USP32: variants seen among roughly 807,000 people sequenced by gnomAD.
USP32 encodes ubiquitin carboxyl-terminal hydrolase 32.
A neutral mutation model predicts 204.8 loss-of-function variants in USP32; 59 were observed. The observed-to-expected ratio is 0.29, with a 90% CI of 0.23 to 0.36. The LOEUF (loss-of-function observed/expected upper bound fraction) is 0.36, where lower values mean the gene tolerates loss of function less well. Among genes scored for constraint, USP32 ranks in the 10% least tolerant of loss-of-function variants. The probability of loss-of-function intolerance (pLI) is 1.00; values close to 1 mark genes in which losing one functional copy is unlikely to be tolerated. For missense variants in USP32, 1,160 were observed against 1,946.4 expected, an observed-to-expected ratio of 0.60 and a Z score of 7.60; for synonymous variants, 517 against 678.4, an observed-to-expected ratio of 0.76 and a Z score of 3.70.
At chr17:60,231,621 C>T (rs2085553069) in intron 12 of USP32, 1 of 516,350 alleles carries the variant, frequency 1.9e-6, no homozygotes, top group Non-Finnish European at 3.9e-6. Flanking sequence ...GAACAGGGAC[C>T]CCCCAAAGCC....
At position 60,179,509 on chromosome 17, in the gene USP32, C is replaced by T. The variant is rs2084045247; in HGVS notation, c.4642-81G>A. ...CCTTGCCAGGAAAGGGAAGACCAAC[C>T]CTCTGTAATTACTAAACCTGATTGC... is the stretch of plus-strand genomic sequence containing the variant. On this transcript the variant is annotated intron_variant, in intron 33 of 33. Transcript: ENST00000300896. The T allele has an allele frequency of 2.4e-5, 37 of 1,548,336 alleles. No homozygotes were observed. In the South Asian group the frequency reaches 4.3e-4, roughly 18 times the overall value.
chr17:60,339,722 T>C (rs981565467), intron 2 of USP32, among the ~76,000 whole-genome samples: 2 of 152,188 alleles, frequency 1.3e-5, no homozygotes, highest in African/African-American at 4.8e-5. Flanking sequence ...ATCTCTCTTT[T>C]GCTCTAAAAA....
intron 1 of USP32, among the ~76,000 whole-genome samples, chr17:60,383,810 T>A (rs2146120903): frequency 6.6e-6 from 1 of 151,932 alleles, no homozygotes; most frequent in South Asian, 2.1e-4. Context: ...GAGGTTGGAG[T>A]TTTAAGCAGG....
intron 1 of USP32, among the ~76,000 whole-genome samples, chr17:60,379,069 A>G (rs906364625): frequency 6.6e-6 from 1 of 152,170 alleles, no homozygotes; most frequent in Non-Finnish European, 1.5e-5. Flanking sequence ...TAATCCTAGT[A>G]AGACATAGTT....
chr17:60,276,587 C>T (rs527381973), intron 5 of USP32, among the ~76,000 whole-genome samples: 3 of 152,216 alleles, frequency 2.0e-5, no homozygotes, highest in African/African-American at 7.2e-5. Context: ...TATTTCTATA[C>T]TTCTCAGTAT....
At chr17:60,405,373 T>C (rs2089967813) in intron 1 of USP32, among the ~76,000 whole-genome samples, 2 of 152,016 alleles carry the variant, frequency 1.3e-5, no homozygotes, top group African/African-American at 4.8e-5. Context: ...AACCTAATTT[T>C]TTTTGTATTG....
chr17:60,206,787 T>A (rs2084838762), intron 25 of USP32, among the ~76,000 whole-genome samples: 2 of 152,180 alleles, frequency 1.3e-5, no homozygotes, highest in Non-Finnish European at 2.9e-5. Context: ...TTCAAAGAGA[T>A]CTGAATTCCA....
At chr17:60,375,945 A>G (rs2089531797) in intron 1 of USP32, among the ~76,000 whole-genome samples, 1 of 152,204 alleles carries the variant, frequency 6.6e-6, no homozygotes, top group Non-Finnish European at 1.5e-5. Context: ...AAAGACAGAA[A>G]AATTTGTATC....
At chr17:60,235,053 T>C (rs1306856292) in intron 12 of USP32, among the ~76,000 whole-genome samples, 3 of 152,298 alleles carry the variant, frequency 2.0e-5, no homozygotes, top group African/African-American at 7.2e-5. Context: ...TTCATGTTCT[T>C]GTCAGTGCAG....
At chr17:60,319,024 T>TAAAGTAATTTGA (rs984498301) in intron 2 of USP32, among the ~76,000 whole-genome samples, 7 of 152,222 alleles carry the variant, frequency 4.6e-5, no homozygotes, top group African/African-American at 1.7e-4. Flanking sequence ...ACCACTTACG[T>TAAAGTAATTTGA]AAAGTAATTT....
At chr17:60,206,487 TA>T (rs1465250398) in intron 25 of USP32, among the ~76,000 whole-genome samples, 6 of 148,210 alleles carry the variant, frequency 4.0e-5, no homozygotes, top group Non-Finnish European at 7.4e-5. Context: ...TGCTCTAAAC[TA>T]AAACTAAAAT....
chr17:60,358,801 T>C (rs1466950517), intron 1 of USP32, among the ~76,000 whole-genome samples: 1 of 152,160 alleles, frequency 6.6e-6, no homozygotes, highest in African/African-American at 2.4e-5. Flanking sequence ...TGATATTACA[T>C]CATGGGGCAC....
At chr17:60,374,212 C>T (rs1167982588) in intron 1 of USP32, among the ~76,000 whole-genome samples, 1 of 151,724 alleles carries the variant, frequency 6.6e-6, no homozygotes, top group Non-Finnish European at 1.5e-5. Flanking sequence ...GACATAAACA[C>T]ACACCTTAGC....
chr17:60,417,775 G>A (rs1243709714), intron 1 of USP32, among the ~76,000 whole-genome samples: 2 of 150,532 alleles, frequency 1.3e-5, no homozygotes, highest in Non-Finnish European at 3.0e-5. Flanking sequence ...AAATTTTTAT[G>A]TATTTATTTA....
chr17:60,193,379 G>A (rs928036717), intron 27 of USP32, among the ~76,000 whole-genome samples: 5 of 152,208 alleles, frequency 3.3e-5, no homozygotes, highest in African/African-American at 1.2e-4. Flanking sequence ...TGTGGTACAT[G>A]CTAAGTACTG....
At chr17:60,365,742 C>T (rs2089298826) in intron 1 of USP32, among the ~76,000 whole-genome samples, 2 of 151,918 alleles carry the variant, frequency 1.3e-5, no homozygotes, top group Admixed American at 1.3e-4. Flanking sequence ...TAAGATAAAC[C>T]ATTTTTATAA....
At chr17:60,403,014 ATC>A (rs2089947997) in intron 1 of USP32, among the ~76,000 whole-genome samples, 1 of 151,346 alleles carries the variant, frequency 6.6e-6, no homozygotes, top group African/African-American at 2.4e-5. Flanking sequence ...GGTAAGCCGT[ATC>A]TCTGTTTTTT....
chr17:60,404,964 G>A (rs2089964051), intron 1 of USP32, among the ~76,000 whole-genome samples: 1 of 152,034 alleles, frequency 6.6e-6, no homozygotes, highest in Non-Finnish European at 1.5e-5. Flanking sequence ...ATCTCTTGAG[G>A]TGAGGAATTG....
At chr17:60,182,542 C>T (rs888277059) in intron 31 of USP32, among the ~76,000 whole-genome samples, 5 of 152,134 alleles carry the variant, frequency 3.3e-5, no homozygotes, top group African/African-American at 1.2e-4. Context: ...GCAGGAGGTT[C>T]ACTTGGGCAC....
Sources: allele counts gnomAD v4.1 joint callset (sites outside exome capture counted in the v4.1 genomes callset), GRCh38; gene constraint gnomAD v4.1.1; transcripts MANE v1.5; gene names NCBI Gene and HGNC (gene_info 2026-07-23, HGNC 2026-07-21).